FRAS1: variants seen among roughly 807,000 people sequenced by gnomAD.
FRAS1 encodes the protein Fraser extracellular matrix complex subunit 1.
Under a neutral mutation model 435.2 loss-of-function variants are expected in FRAS1, and 290 were observed. The ratio of observed to expected loss-of-function variants is 0.67; its 90% CI spans 0.61 to 0.73. FRAS1 has a LOEUF of 0.73. Ranked by LOEUF, FRAS1 falls within the 30% of genes least tolerant of loss-of-function variation. FRAS1 has a pLI of 0.00. For missense variants in FRAS1, 4,860 were observed against 5,001.5 expected (o/e 0.97, Z 0.85); for synonymous variants, 1,800 against 1,851.0 (o/e 0.97, Z 0.71).
intron 2 of FRAS1, among the ~76,000 whole-genome samples, chr4:78,086,804 C>T (rs1741204426): frequency 6.6e-6 from 1 of 152,080 alleles, no homozygotes; most frequent in Admixed American, 6.6e-5. Flanking sequence ...CAAAAAAAGT[C>T]CAGGACCAGA....
chr4:78,409,452 T>G (rs1733248664), intron 31 of FRAS1, among the ~76,000 whole-genome samples: 1 of 152,054 alleles, frequency 6.6e-6, no homozygotes, highest in South Asian at 2.1e-4. Flanking sequence ...GACAAAATAT[T>G]TAACTCAAGA....
chr4:78,164,220 G>A (rs1721251647), intron 2 of FRAS1, among the ~76,000 whole-genome samples: 1 of 152,126 alleles, frequency 6.6e-6, no homozygotes, highest in Non-Finnish European at 1.5e-5. Flanking sequence ...CGTTTGTGTG[G>A]GATGCTCAGG....
At chr4:78,518,693 C>T (rs1721294837) in intron 66 of FRAS1, among the ~76,000 whole-genome samples, 1 of 152,056 alleles carries the variant, frequency 6.6e-6, no homozygotes, top group Non-Finnish European at 1.5e-5. Flanking sequence ...GATATGCTGC[C>T]TTTTCAAAAC....
intron 2 of FRAS1, among the ~76,000 whole-genome samples, chr4:78,127,516 A>T (rs1165427518): frequency 2.0e-5 from 3 of 152,074 alleles, no homozygotes; most frequent in African/African-American, 7.2e-5. Flanking sequence ...GGAGAAGAGG[A>T]GGGATTTGGG....
intron 59 of FRAS1, among the ~76,000 whole-genome samples, chr4:78,492,136 A>G (rs2109867871): frequency 6.6e-6 from 1 of 152,358 alleles, no homozygotes; most frequent in East Asian, 1.9e-4. Context: ...ACCACTGCTC[A>G]AGGAAATAAG....
intron 30 of FRAS1, among the ~76,000 whole-genome samples, chr4:78,405,217 A>G (rs1351746053): frequency 5.3e-5 from 8 of 152,196 alleles, no homozygotes; most frequent in Non-Finnish European, 8.8e-5. Flanking sequence ...CTTTTTTATC[A>G]TAAAAGCAGA....
intron 20 of FRAS1, among the ~76,000 whole-genome samples, chr4:78,357,146 G>T (rs1371909968): frequency 6.6e-6 from 1 of 152,128 alleles, no homozygotes; most frequent in Non-Finnish European, 1.5e-5. Flanking sequence ...TGCTCCTGTT[G>T]CAGCTAACTG....
At chr4:78,270,532 GCCCCCCGCCACCCCGC>G (rs1448330853) in intron 9 of FRAS1, among the ~76,000 whole-genome samples, 5 of 113,724 alleles carry the variant, frequency 4.4e-5, no homozygotes, top group African/African-American at 7.5e-5. Flanking sequence ...ACCAGCCACC[GCCCCCCGCCACCCCGC>G]CCCCCCGCCA....
rs770549096 is a variant in FRAS1 at position 78,282,774 on chromosome 4, A to C, written c.1108-46A>C. On this transcript the variant is annotated intron_variant, in intron 11 of 73. Transcript: ENST00000512123. Reference sequence around the variant, plus strand: ...TCTTCAGCAGCAAGCTCTCTTCTGAATTACTGCATCCTGATGACAATGCTG... The same window carrying C: ...TCTTCAGCAGCAAGCTCTCTTCTGACTTACTGCATCCTGATGACAATGCTG... The C allele has an allele frequency of 1.6e-4, 249 of 1,605,074 alleles. 2 individuals are homozygous for C. In the Middle Eastern group the frequency reaches 1.8e-3, roughly 12 times the overall value.
intron 2 of FRAS1, among the ~76,000 whole-genome samples, chr4:78,074,532 A>G (rs1740535363): frequency 6.6e-6 from 1 of 152,148 alleles, no homozygotes; most frequent in Admixed American, 6.6e-5. Context: ...GATTAATAAG[A>G]TATTAGTTGG....
chr4:78,450,568 T>C (rs1387208778), intron 45 of FRAS1: 7 of 489,692 alleles, frequency 1.4e-5, no homozygotes, highest in Non-Finnish European at 2.2e-5. Context: ...ATTGGTGGCA[T>C]TTGCAGCTAT....
At position 78,464,439 on chromosome 4, in the gene FRAS1, C is replaced by T; in HGVS notation, c.6889-4C>T. ...GTCCCACCTGCACTTTCCTGCCATTCTAGGTGACTCAGACTTTCCATATCA... is the reference window on the plus strand; with the variant it reads ...GTCCCACCTGCACTTTCCTGCCATTTTAGGTGACTCAGACTTTCCATATCA... On this transcript the variant is annotated splice_polypyrimidine_tract_variant and splice_region_variant and intron_variant, in intron 48 of 73. Transcript: ENST00000512123. 1 of 1,613,974 alleles carries T rather than the reference C, an allele frequency of 6.2e-7. No individual in the cohort carries two copies. Among genetic ancestry groups the T allele is most frequent in the South Asian group, 1.1e-5 (1 of 91,082 alleles).
At chr4:78,120,708 A>G (rs868172353) in intron 2 of FRAS1, among the ~76,000 whole-genome samples, 2 of 152,228 alleles carry the variant, frequency 1.3e-5, no homozygotes, top group African/African-American at 2.4e-5. Flanking sequence ...TGTGGGTAGC[A>G]GACTTTAGGG....
At chr4:78,464,880 G>C (rs1719480828) in intron 49 of FRAS1, among the ~76,000 whole-genome samples, 3 of 152,148 alleles carry the variant, frequency 2.0e-5, no homozygotes, top group Non-Finnish European at 2.9e-5. Context: ...CAGAAAACCA[G>C]GTAGATGACA....
chr4:78,411,981 A>G (rs1036356194), intron 31 of FRAS1, among the ~76,000 whole-genome samples: 2 of 152,200 alleles, frequency 1.3e-5, no homozygotes, highest in African/African-American at 4.8e-5. Flanking sequence ...CTCTGTGGAT[A>G]CTAAGTAAGA....
intron 2 of FRAS1, among the ~76,000 whole-genome samples, chr4:78,115,806 G>A (rs1047093763): frequency 6.6e-6 from 1 of 150,894 alleles, no homozygotes; most frequent in Admixed American, 6.6e-5. Context: ...ATTTTTTGAA[G>A]TTTTTTTTGT....
At chr4:78,328,442 C>T (rs1729803426) in intron 18 of FRAS1, among the ~76,000 whole-genome samples, 2 of 152,122 alleles carry the variant, frequency 1.3e-5, no homozygotes, top group South Asian at 4.1e-4. Context: ...AAGATGCTTC[C>T]CCCATATTAT....
chr4:78,174,972 G>C (rs1186512388), intron 2 of FRAS1, among the ~76,000 whole-genome samples: 1 of 152,208 alleles, frequency 6.6e-6, no homozygotes, highest in Non-Finnish European at 1.5e-5. Context: ...GAGGCAGAAA[G>C]GCATTACTGT....
chr4:78,420,918 A>ATATATATT (rs1167974462), intron 33 of FRAS1, among the ~76,000 whole-genome samples: 2 of 118,902 alleles, frequency 1.7e-5, no homozygotes, highest in African/African-American at 6.6e-5. Context: ...ATATATATAT[A>ATATATATT]TATTTATATA....
Sources: gnomAD v4.1 joint callset for allele counts (sites outside exome capture counted in the v4.1 genomes callset) on GRCh38, gnomAD v4.1.1 for gene constraint, MANE v1.5 for transcripts, NCBI Gene and HGNC (gene_info 2026-07-23, HGNC 2026-07-21) for gene names.